EPAS1: variants seen among roughly 807,000 people sequenced by gnomAD.
EPAS1 encodes the protein endothelial PAS domain protein 1.
Under a neutral mutation model 87.9 loss-of-function variants are expected in EPAS1, and 23 were observed. The observed-to-expected ratio is 0.26, with a 90% CI of 0.19 to 0.37. The LOEUF (loss-of-function observed/expected upper bound fraction) is 0.37, where lower values mean the gene tolerates loss of function less well. EPAS1 is among the 10% of genes least tolerant of loss of function. The probability of loss-of-function intolerance (pLI) is 1.00; values close to 1 mark genes in which losing one functional copy is unlikely to be tolerated. For missense variants in EPAS1, 1,138 were observed against 1,120.7 expected (o/e 1.02, Z -0.22); for synonymous variants, 508 against 444.3 (o/e 1.14, Z -1.80).
intron 1 of EPAS1, among the ~76,000 whole-genome samples, chr2:46,334,634 G>T (rs553418316): frequency 1.4e-4 from 22 of 152,274 alleles, no homozygotes; most frequent in Admixed American, 1.3e-4. Flanking sequence ...CTGAGGTCAG[G>T]CATAGTTGTT....
intron 1 of EPAS1, among the ~76,000 whole-genome samples, chr2:46,308,891 G>A (rs1204975464): frequency 6.6e-6 from 1 of 152,210 alleles, no homozygotes; most frequent in East Asian, 1.9e-4. Flanking sequence ...GGTTACCCCT[G>A]TGTTTATAGA....
chr2:46,325,666 T>C (rs1683548899), intron 1 of EPAS1, among the ~76,000 whole-genome samples: 1 of 152,150 alleles, frequency 6.6e-6, no homozygotes, highest in Non-Finnish European at 1.5e-5. Context: ...TCCATGACCA[T>C]TTTCTCTGTT....
At chr2:46,309,052 A>G (rs910555537) in intron 1 of EPAS1, among the ~76,000 whole-genome samples, 2 of 152,218 alleles carry the variant, frequency 1.3e-5, no homozygotes, top group African/African-American at 4.8e-5. Context: ...TTTTCCCCAC[A>G]GAAGTCAGAA....
intron 15 of EPAS1, 150 bp from the exon 16 acceptor site, chr2:46,384,359 G>A (rs566575552): frequency 2.1e-5 from 23 of 1,108,944 alleles, no homozygotes; most frequent in East Asian, 7.1e-5. Flanking sequence ...CACGTTCCCC[G>A]GGCATGCAGC....
In EPAS1 at chr2:46,320,292, G is replaced by GGGTA. The variant is rs765367455; in HGVS notation, c.26+22356_26+22359dup. On this transcript the variant is annotated intron_variant, in intron 1 of 15. Coordinates refer to ENST00000263734, the MANE Select transcript of EPAS1 (RefSeq NM_001430.5). The stretch of plus-strand genomic sequence containing the variant: ...AGTTGGTCATTACCCGATTCTGGTA[G>GGGTA]GGTACTTGCCATGTGTACACATTTA... 1.2e-4 allele frequency among the ~76,000 whole-genome samples: 18 copies of GGGTA among 152,286 alleles called. No individual in the cohort carries two copies. The South Asian group carries it at 2.1e-3, about 18-fold the overall frequency.
At chr2:46,312,106 A>C (rs896853273) in intron 1 of EPAS1, among the ~76,000 whole-genome samples, 2 of 152,214 alleles carry the variant, frequency 1.3e-5, no homozygotes, top group Non-Finnish European at 2.9e-5. Context: ...GGAGAGAGAC[A>C]AACTTTCACC....
At chr2:46,338,666 C>T (rs1012790919) in intron 1 of EPAS1, among the ~76,000 whole-genome samples, 8 of 152,206 alleles carry the variant, frequency 5.3e-5, no homozygotes, top group Middle Eastern at 3.2e-3. Flanking sequence ...CAAAGGAAGC[C>T]ACCAGTTTTA....
intron 1 of EPAS1, among the ~76,000 whole-genome samples, chr2:46,322,172 T>C (rs1386148159): frequency 4.6e-5 from 7 of 152,184 alleles, no homozygotes; most frequent in African/African-American, 1.4e-4. Context: ...GCTTAAGTCT[T>C]TGAACCGCTG....
chr2:46,381,809 CAAG>C, intron 13 of EPAS1, 87 bp downstream of exon 13: 2 of 1,588,866 alleles, frequency 1.3e-6, no homozygotes, highest in South Asian at 1.1e-5. Flanking sequence ...GTGGCCCTTC[CAAG>C]CCAGCATAGC....
intron 7 of EPAS1, among the ~76,000 whole-genome samples, chr2:46,370,548 C>T (rs547086767): frequency 9.2e-5 from 14 of 152,152 alleles, no homozygotes; most frequent in African/African-American, 3.1e-4. Context: ...CCAGGGATGG[C>T]GTATGGAAAC....
At chr2:46,372,330 G>A (rs1269459466) in intron 7 of EPAS1, among the ~76,000 whole-genome samples, 1 of 152,164 alleles carries the variant, frequency 6.6e-6, no homozygotes, top group Admixed American at 6.5e-5. Flanking sequence ...CGTCCTTGAG[G>A]TTTTGCAAGT....
intron 1 of EPAS1, among the ~76,000 whole-genome samples, chr2:46,309,000 A>G (rs1358738573): frequency 1.3e-5 from 2 of 152,242 alleles, no homozygotes; most frequent in Non-Finnish European, 2.9e-5. Flanking sequence ...TCAAGTGGTA[A>G]GCCCTTCAAG....
intron 1 of EPAS1, among the ~76,000 whole-genome samples, chr2:46,319,787 G>T (rs978644577): frequency 6.6e-6 from 1 of 152,176 alleles, no homozygotes; most frequent in African/African-American, 2.4e-5. Context: ...ATAGTATGAG[G>T]CTGGGGATGA....
chr2:46,361,069 A>G lies in EPAS1; in HGVS notation c.758A>G (p.Lys253Arg). Residue 253 changes from lysine (K) to arginine (R), a missense_variant, in exon 6 of 16, where the codon AAG (lysine) becomes AGG (arginine). Physicochemically the swap from Lys to Arg is conservative, Grantham distance 26. Coordinates refer to ENST00000263734, the MANE Select transcript of EPAS1 (RefSeq NM_001430.5). ...TFLSRHSMDM[K>R]FTYCDDRITE... ...CTGAGCCGCCACAGCATGGACATGA[A>G]GTTCACCTACTGTGATGACAGGTAG... 6.2e-7 allele frequency: 1 copy of G among 1,614,152 alleles called. No individual in the cohort carries two copies. The highest frequency in any genetic ancestry group is 1.3e-5 in the African/African-American group (1 of 75,018).
chr2:46,361,131 T>A (rs745378008), intron 6 of EPAS1, 41 bp downstream of exon 6: 2 of 1,601,598 alleles, frequency 1.2e-6, no homozygotes, highest in South Asian at 2.2e-5. Flanking sequence ...CAGAGATGGG[T>A]CTTACCTGTG....
rs750659594 is a variant in EPAS1, at chr2:46,375,178, G to GAAAAAAAA, written c.887-508_887-501dup. On this transcript the variant is annotated intron_variant, in intron 7 of 15. Coordinates refer to ENST00000263734, the MANE Select transcript of EPAS1 (RefSeq NM_001430.5). This position sits in a 1 kb window ranked among gnomAD's most constrained non-coding sequence, Gnocchi z 4.1. Reference sequence around the variant, plus strand: ...GCAGGGTATTGGTGGTGGGTCTGCTGAAAAAAAAAAACAAAAAAAAACAAA... The same window carrying GAAAAAAAA: ...GCAGGGTATTGGTGGTGGGTCTGCTGAAAAAAAAAAAAAAAAAAACAAAAAAAAACAAA... Among the ~76,000 whole-genome samples the GAAAAAAAA allele has an allele frequency of 1.7e-5, 2 of 117,574 alleles. No individual in the cohort carries two copies. The highest frequency in any genetic ancestry group is 3.2e-5 in the African/African-American group (1 of 30,774). The allele number at this position is 117,574 out of a possible 152,430, so 77.1% of individuals were successfully genotyped here.
At chr2:46,345,276 T>A (rs544701129) in intron 1 of EPAS1, among the ~76,000 whole-genome samples, 2 of 152,102 alleles carry the variant, frequency 1.3e-5, no homozygotes, top group African/African-American at 4.8e-5. Context: ...AGATGCTTTT[T>A]AAAAAAATAA....
chr2:46,374,443 TG>T, intron 7 of EPAS1, among the ~76,000 whole-genome samples: 1 of 152,254 alleles, frequency 6.6e-6, no homozygotes, highest in Admixed American at 6.5e-5. Flanking sequence ...TCAACACTTA[TG>T]TACCTGATAA....
At chr2:46,337,865 C>A (rs1422398289) in intron 1 of EPAS1, among the ~76,000 whole-genome samples, 2 of 150,374 alleles carry the variant, frequency 1.3e-5, no homozygotes, top group Non-Finnish European at 3.0e-5. Flanking sequence ...TTTTTTTTTT[C>A]TTTTTCTTTT....
Sources: gnomAD v4.1 joint callset for allele counts (sites outside exome capture counted in the v4.1 genomes callset) on GRCh38, gnomAD v4.1.1 for gene constraint, Gnocchi (gnomAD v3.1) non-coding constraint, MANE v1.5 for transcripts, NCBI Gene and HGNC (gene_info 2026-07-23, HGNC 2026-07-21) for gene names.